The following OCA2 variants were observed in gnomAD, a reference collection of about 807,000 sequenced individuals.
OCA2 encodes OCA2 melanosomal transmembrane protein.
In OCA2, 77 loss-of-function variants were observed where a neutral mutation model predicts 100.2. That is an observed-to-expected ratio of 0.77 (90% CI 0.64 to 0.93). OCA2 has a LOEUF of 0.93. Ranked by LOEUF, OCA2 falls within the 40% of genes least tolerant of loss-of-function variation. The probability of loss-of-function intolerance (pLI) is 0.00; values close to 1 mark genes in which losing one functional copy is unlikely to be tolerated. For synonymous variants in OCA2, 432 were observed against 439.2 expected (o/e 0.98, Z 0.21); for missense variants, 1,062 against 1,089.1 (o/e 0.98, Z 0.35).
At chr15:27,767,025 C>G (rs963256925) in intron 23 of OCA2, among the ~76,000 whole-genome samples, 2 of 152,166 alleles carry the variant, frequency 1.3e-5, no homozygotes, top group African/African-American at 4.8e-5. Context: ...TCCCAGTTCC[C>G]AAATACCGGC....
chr15:27,781,196 T>TCTATTCC (rs1451542803), intron 23 of OCA2, among the ~76,000 whole-genome samples: 2 of 152,350 alleles, frequency 1.3e-5, no homozygotes, highest in African/African-American at 4.8e-5. Flanking sequence ...AGATCCCATC[T>TCTATTCC]CTATTCCCTG....
intron 19 of OCA2, among the ~76,000 whole-genome samples, chr15:27,900,967 A>T (rs2037905014): frequency 6.6e-6 from 1 of 152,230 alleles, no homozygotes; most frequent in Admixed American, 6.5e-5. Context: ...TGAGTTAACT[A>T]ACAATTCAGA....
intron 19 of OCA2, among the ~76,000 whole-genome samples, chr15:27,898,159 T>C (rs139615925): frequency 0.023 from 3,502 of 152,310 alleles, 56 homozygotes; most frequent in Non-Finnish European, 0.035. Context: ...CTGTGTACTT[T>C]CGAGTTAATG....
At chr15:27,784,121 A>G (rs2032685860) in intron 23 of OCA2, among the ~76,000 whole-genome samples, 1 of 152,260 alleles carries the variant, frequency 6.6e-6, no homozygotes, top group African/African-American at 2.4e-5. Flanking sequence ...AGCGACAAGT[A>G]ACAGCATGTA....
intron 23 of OCA2, among the ~76,000 whole-genome samples, chr15:27,779,622 T>C (rs1227931521): frequency 6.6e-6 from 1 of 152,246 alleles, no homozygotes; most frequent in Non-Finnish European, 1.5e-5. Flanking sequence ...TATCTTTTTC[T>C]ATCCTTTTAC....
At chr15:27,774,492 G>A (rs1369299839) in intron 23 of OCA2, among the ~76,000 whole-genome samples, 1 of 152,226 alleles carries the variant, frequency 6.6e-6, no homozygotes. Context: ...GGTGCAGGCA[G>A]CTTCTTGGTG....
intron 2 of OCA2, among the ~76,000 whole-genome samples, chr15:28,070,929 C>G (rs905702037): frequency 3.4e-5 from 5 of 147,176 alleles, no homozygotes; most frequent in African/African-American, 1.3e-4. Context: ...AAGGGCGGTA[C>G]AAGATGTGCT....
intron 2 of OCA2, 23 bp from the exon 3 acceptor site, chr15:28,032,186 C>G: frequency 6.6e-7 from 1 of 1,510,616 alleles, no homozygotes. Context: ...GGGTAGGAAA[C>G]AGAATCACCA....
At chr15:27,829,182 T>C (rs1385585443) in intron 23 of OCA2, among the ~76,000 whole-genome samples, 5 of 152,106 alleles carry the variant, frequency 3.3e-5, no homozygotes, top group African/African-American at 4.8e-5. Flanking sequence ...AGATAGATGA[T>C]AGCTGATGGA....
At chr15:27,960,592 C>CTATG (rs1385073669) in intron 15 of OCA2, among the ~76,000 whole-genome samples, 29 of 151,444 alleles carry the variant, frequency 1.9e-4, no homozygotes, top group African/African-American at 7.0e-4. Context: ...ACCATTTGCT[C>CTATG]TATCTATCTA....
At chr15:28,051,066 G>A (rs2043496677) in intron 2 of OCA2, among the ~76,000 whole-genome samples, 1 of 152,196 alleles carries the variant, frequency 6.6e-6, no homozygotes, top group Non-Finnish European at 1.5e-5. Flanking sequence ...GGTGGATCCT[G>A]CCTGGAGGCC....
intron 23 of OCA2, among the ~76,000 whole-genome samples, chr15:27,808,268 C>T (rs2033937675): frequency 6.6e-6 from 1 of 152,178 alleles, no homozygotes; most frequent in Non-Finnish European, 1.5e-5. Context: ...GCATGAATGC[C>T]CAGAACAGCC....
chr15:27,754,018 C>A (rs2030169793), downstream of OCA2, among the ~76,000 whole-genome samples: 1 of 151,990 alleles, frequency 6.6e-6, no homozygotes, highest in South Asian at 2.1e-4. Context: ...TCCAGTGAGA[C>A]CAAGCAAAGT....
chr15:28,082,723 T>C (rs1337454395), intron 1 of OCA2, among the ~76,000 whole-genome samples: 1 of 152,190 alleles, frequency 6.6e-6, no homozygotes. Flanking sequence ...CTCCAAAACA[T>C]GGCTACCTCT....
At chr15:27,921,994 A>G (rs2038874717) in intron 19 of OCA2, among the ~76,000 whole-genome samples, 2 of 152,260 alleles carry the variant, frequency 1.3e-5, no homozygotes, top group African/African-American at 4.8e-5. Flanking sequence ...TAAGCTACAG[A>G]AAAGAAAATG....
At chr15:28,075,470 G>C (rs531094369) in intron 2 of OCA2, among the ~76,000 whole-genome samples, 1 of 152,196 alleles carries the variant, frequency 6.6e-6, no homozygotes, top group Non-Finnish European at 1.5e-5. Flanking sequence ...TGTATTGCTG[G>C]TGAAAATGCA....
At chr15:27,768,057 T>C (rs1451842279) in intron 23 of OCA2, among the ~76,000 whole-genome samples, 1 of 151,868 alleles carries the variant, frequency 6.6e-6, no homozygotes, top group African/African-American at 2.4e-5. Flanking sequence ...CTGAAAGCGG[T>C]TGGAAAGGCA....
Position 27,877,977 on chromosome 15 carries a change from ATAT to A in OCA2, c.2080-6058_2080-6056del, listed in dbSNP as rs897145675. On this transcript the variant is annotated intron_variant, in intron 19 of 23. Coordinates refer to ENST00000354638, the MANE Select transcript of OCA2 (RefSeq NM_000275.3). ...TATTTTCATCAGTTGGCTTTTAATA[ATAT>A]TATTATTAAGTATTAAATATTAATA... Among the ~76,000 whole-genome samples the A allele has an allele frequency of 1.5e-4, 22 of 150,594 alleles. No individual in the cohort carries two copies. In the East Asian group the frequency reaches 2.5e-3, roughly 17 times the overall value.
intron 18 of OCA2, among the ~76,000 whole-genome samples, chr15:27,931,103 T>A (rs80224579): frequency 0.016 from 2,362 of 151,888 alleles, 19 homozygotes; most frequent in Non-Finnish European, 0.022. Flanking sequence ...GATAAAGGAG[T>A]TCTCCAAGAC....
Sources: allele counts gnomAD v4.1 joint callset (sites outside exome capture counted in the v4.1 genomes callset), GRCh38; gene constraint gnomAD v4.1.1; transcripts MANE v1.5; gene names NCBI Gene and HGNC (gene_info 2026-07-23, HGNC 2026-07-21).